PSTPIP2: variants seen among roughly 807,000 people sequenced by gnomAD.
PSTPIP2 encodes the protein proline-serine-threonine phosphatase-interacting protein 2.
A neutral mutation model predicts 63.3 loss-of-function variants in PSTPIP2; 33 were observed. That is an observed-to-expected ratio of 0.52 (90% CI 0.40 to 0.70). The LOEUF (loss-of-function observed/expected upper bound fraction) is 0.70. Ranked by LOEUF, PSTPIP2 falls within the 30% of genes least tolerant of loss-of-function variation. The probability of loss-of-function intolerance (pLI) is 0.00; values close to 1 mark genes in which losing one functional copy is unlikely to be tolerated. For missense variants in PSTPIP2, 312 were observed against 400.7 expected, an observed-to-expected ratio of 0.78 and a Z score of 1.89; for synonymous variants, 125 against 132.7, an observed-to-expected ratio of 0.94 and a Z score of 0.40.
chr18:46,069,467 G>A lies in PSTPIP2; in HGVS notation c.33+2689C>T, dbSNP rs114863053. Among the ~76,000 whole-genome samples the A allele has an allele frequency of 6.3e-3, 961 of 152,216 alleles. 15 individuals carry two copies. The highest frequency in any genetic ancestry group is 0.022 in the African/African-American group (925 of 41,524). On this transcript the variant is annotated intron_variant, in intron 1 of 14. Transcript: ENST00000409746. ...ACCAATAGCAGGCAAATTCATTGGG[G>A]GCCAATCCCAGTTTTATTCATTTAT...
intron 1 of PSTPIP2, among the ~76,000 whole-genome samples, chr18:46,045,156 T>A (rs1006899630): frequency 6.6e-6 from 1 of 152,232 alleles, no homozygotes; most frequent in African/African-American, 2.4e-5. Context: ...ATCCCATTAC[T>A]GGGTATATAC....
intron 3 of PSTPIP2, among the ~76,000 whole-genome samples, chr18:46,017,665 T>C (rs1035954135): frequency 2.0e-5 from 3 of 152,168 alleles, no homozygotes; most frequent in African/African-American, 7.2e-5. Flanking sequence ...ATTGTATATA[T>C]TTATCATGTA....
At chr18:45,993,962 T>C (rs2051565107) in intron 9 of PSTPIP2, 3 of 425,044 alleles carry the variant, frequency 7.1e-6, no homozygotes, top group Non-Finnish European at 8.8e-6. Context: ...CAGATACCAA[T>C]GTTCTAACTG....
chr18:46,021,487 C>A (rs1907351344), intron 3 of PSTPIP2, among the ~76,000 whole-genome samples: 1 of 150,832 alleles, frequency 6.6e-6, no homozygotes, highest in African/African-American at 2.4e-5. Context: ...GTTAGGTCTT[C>A]AATATAAGAG....
chr18:46,024,236 C>G (rs1907495253), intron 3 of PSTPIP2, among the ~76,000 whole-genome samples: 1 of 151,940 alleles, frequency 6.6e-6, no homozygotes, highest in African/African-American at 2.4e-5. Flanking sequence ...CTTCTGGGCT[C>G]AAACCATCCT....
chr18:46,067,056 C>G (rs1057143251), intron 1 of PSTPIP2, among the ~76,000 whole-genome samples: 1 of 149,508 alleles, frequency 6.7e-6, no homozygotes, highest in Non-Finnish European at 1.5e-5. Context: ...AGGTTTTTGA[C>G]GATTATTTTA....
intron 3 of PSTPIP2, among the ~76,000 whole-genome samples, chr18:46,016,731 CAGGCTGCAATCA>C (rs1433671900): frequency 6.6e-6 from 1 of 152,202 alleles, no homozygotes; most frequent in Non-Finnish European, 1.5e-5. Flanking sequence ...TGGAGCATCA[CAGGCTGCAATCA>C]AGGTATTGCC....
At chr18:46,059,606 A>C (rs572900599) in intron 1 of PSTPIP2, among the ~76,000 whole-genome samples, 1 of 152,188 alleles carries the variant, frequency 6.6e-6, no homozygotes, top group Non-Finnish European at 1.5e-5. Flanking sequence ...TTAAGTATAG[A>C]TTAAAAAAAA....
At chr18:46,022,115 A>G (rs1907385818) in intron 3 of PSTPIP2, among the ~76,000 whole-genome samples, 1 of 152,164 alleles carries the variant, frequency 6.6e-6, no homozygotes, top group South Asian at 2.1e-4. Context: ...CATCAAAAAT[A>G]TATAATTAGC....
At chr18:46,042,443 C>CA (rs767768415) in intron 1 of PSTPIP2, among the ~76,000 whole-genome samples, 3 of 152,142 alleles carry the variant, frequency 2.0e-5, no homozygotes, top group Non-Finnish European at 4.4e-5. Context: ...TCTAGGTTCT[C>CA]AGAGTCCCCA....
intron 6 of PSTPIP2, 92 bp downstream of exon 6, chr18:46,005,377 A>T (rs939135103): frequency 9.4e-6 from 10 of 1,065,424 alleles, no homozygotes; most frequent in Non-Finnish European, 1.4e-5. Context: ...ACATTTTTGA[A>T]ATGTTATTTG....
intron 3 of PSTPIP2, among the ~76,000 whole-genome samples, chr18:46,019,289 C>A (rs540601764): frequency 3.3e-5 from 5 of 152,106 alleles, no homozygotes; most frequent in African/African-American, 4.8e-5. Context: ...AAATTAAAGG[C>A]CTTGTGTTTT....
At chr18:46,019,559 G>T (rs768720310) in intron 3 of PSTPIP2, among the ~76,000 whole-genome samples, 4 of 152,164 alleles carry the variant, frequency 2.6e-5, no homozygotes, top group African/African-American at 7.2e-5. Flanking sequence ...CCAGCACGTT[G>T]CGAGGCCAAG....
Position 45,985,030 on chromosome 18 carries a change from T to G in PSTPIP2, c.*429A>C. 1 of 186,924 alleles carries G rather than the reference T, an allele frequency of 5.3e-6. No homozygotes were observed. Among genetic ancestry groups the G allele is most frequent in the Non-Finnish European group, 1.1e-5 (1 of 91,808 alleles). The allele number at this position is 186,924 out of a possible 1,614,324, so 11.6% of individuals were successfully genotyped here. A position where few individuals can be genotyped will look rare whatever the true frequency, so the allele number is the denominator to read the frequency against. ...CAAAAAGGAAGGTAATTTTAAATCT[T>G]GCACCACTGAGGCTGTGTGTCGCCG... On this transcript the variant is annotated 3_prime_UTR_variant, in exon 15 of 15. Transcript: ENST00000409746.
chr18:46,022,334 A>G (rs553398029), intron 3 of PSTPIP2, among the ~76,000 whole-genome samples: 1 of 152,124 alleles, frequency 6.6e-6, no homozygotes, highest in African/African-American at 2.4e-5. Context: ...AGAGAAGACA[A>G]GAGGAAGGCC....
At chr18:45,999,294 G>T in intron 7 of PSTPIP2, 142 bp downstream of exon 7, 1 of 759,594 alleles carries the variant, frequency 1.3e-6, no homozygotes, top group South Asian at 1.8e-5. Context: ...TGGTTTTTCA[G>T]GTTCAGAAGA....
At chr18:46,004,369 G>A (rs897966407) in intron 6 of PSTPIP2, among the ~76,000 whole-genome samples, 1 of 152,200 alleles carries the variant, frequency 6.6e-6, no homozygotes, top group African/African-American at 2.4e-5. Context: ...TAATAACAGA[G>A]TTTGTTGTAT....
At chr18:46,018,436 AC>A (rs1372975583) in intron 3 of PSTPIP2, among the ~76,000 whole-genome samples, 2 of 151,506 alleles carry the variant, frequency 1.3e-5, no homozygotes, top group African/African-American at 4.9e-5. Context: ...TCACTCTGTC[AC>A]CTACGCACCC....
At chr18:46,047,863 C>T (rs1168372172) in intron 1 of PSTPIP2, among the ~76,000 whole-genome samples, 1 of 152,158 alleles carries the variant, frequency 6.6e-6, no homozygotes, top group Non-Finnish European at 1.5e-5. Flanking sequence ...TGAGAAGAAA[C>T]TGGATATTTA....
Sources: gnomAD v4.1 joint callset for allele counts (sites outside exome capture counted in the v4.1 genomes callset) on GRCh38, gnomAD v4.1.1 for gene constraint, MANE v1.5 for transcripts, NCBI Gene and HGNC (gene_info 2026-07-23, HGNC 2026-07-21) for gene names.